The following NUP205 variants were observed in gnomAD, a reference collection of about 807,000 sequenced individuals.
NUP205 encodes nucleoporin 205.
A neutral mutation model predicts 253.8 loss-of-function variants in NUP205; 76 were observed. The ratio of observed to expected loss-of-function variants is 0.30; its 90% confidence interval spans 0.25 to 0.36. The LOEUF (loss-of-function observed/expected upper bound fraction) is 0.36. NUP205 is among the 10% of genes least tolerant of loss of function. The pLI, the probability that NUP205 is intolerant of heterozygous loss-of-function variation, is 1.00. For missense variants in NUP205, 2,162 were observed against 2,425.5 expected, an observed-to-expected ratio of 0.89 and a Z score of 2.28; for synonymous variants, 832 against 850.1, an observed-to-expected ratio of 0.98 and a Z score of 0.37.
At chr7:135,567,127 T>TATAC (rs1805790992) in intron 1 of NUP205, among the ~76,000 whole-genome samples, 1 of 740 alleles carries the variant, frequency 1.4e-3, no homozygotes, top group South Asian at 0.083. Context: ...AGTCTATGTG[T>TATAC]GTATATATAT....
intron 36 of NUP205, 63 bp from the exon 37 acceptor site, chr7:135,637,868 T>TC: frequency 6.8e-7 from 1 of 1,462,106 alleles, no homozygotes; most frequent in South Asian, 1.3e-5. Context: ...CTTGTTTCTA[T>TC]CCCTCAAGAA....
intron 1 of NUP205, among the ~76,000 whole-genome samples, chr7:135,561,567 C>G (rs188250774): frequency 1.5e-3 from 225 of 152,272 alleles, no homozygotes; most frequent in African/African-American, 5.3e-3. Flanking sequence ...AATCTTTAAC[C>G]TGCAACTAAC....
At chr7:135,629,772 G>A (rs1048390490) in intron 34 of NUP205, among the ~76,000 whole-genome samples, 4 of 151,962 alleles carry the variant, frequency 2.6e-5, no homozygotes, top group South Asian at 2.1e-4. Context: ...GGTGATACCC[G>A]CCTCAGCCTC....
intron 10 of NUP205, 63 bp downstream of exon 10, chr7:135,588,055 A>G (rs933489299): frequency 7.1e-7 from 1 of 1,407,650 alleles, no homozygotes; most frequent in Non-Finnish European, 9.5e-7. Flanking sequence ...TGAAAACATG[A>G]AAGATATTAC....
chr7:135,569,518 G>A (rs1224158193), intron 1 of NUP205, among the ~76,000 whole-genome samples: 2 of 151,842 alleles, frequency 1.3e-5, no homozygotes, highest in East Asian at 1.9e-4. Context: ...CTGATGCCCA[G>A]ACTGCTTGGG....
rs905314935 is a variant in NUP205, at chr7:135,589,804, G to A, written c.1474-1646G>A. Among the ~76,000 whole-genome samples the A allele has an allele frequency of 3.3e-5, 5 of 150,938 alleles. 1 individual carries two copies. Among genetic ancestry groups the A allele is most frequent in the African/African-American group, 1.2e-4 (5 of 40,956 alleles). On this transcript the variant is annotated intron_variant, in intron 10 of 42. Coordinates refer to ENST00000285968, the MANE Select transcript of NUP205 (RefSeq NM_015135.3). ...AAAAATTAGCCAGACATGGTGGTGC[G>A]TACCTATGGCCCCATTTGCACGGGA...
At position 135,594,567 on chromosome 7, in the gene NUP205, A is replaced by C. The variant is rs7800214; in HGVS notation, c.1851A>C (p.Ala617=). 0.47 allele frequency: 744,379 copies of C among 1,598,520 alleles called. 178,548 individuals carry two copies. Among genetic ancestry groups the C allele is most frequent in the Middle Eastern group, 0.62 (3,674 of 5,972 alleles). ...IITWSENARL[A]LCEHPQWTPV... ...CTTAGAGTGAAAATGCTCGCTTGGCACTCTGTGAACACCCTCAGTGGACCC... is the reference window on the plus strand; with the variant it reads ...CTTAGAGTGAAAATGCTCGCTTGGCCCTCTGTGAACACCCTCAGTGGACCC... Residue 617 remains alanine, a synonymous_variant, in exon 13 of 43, where the codon GCA becomes GCC. Coordinates refer to ENST00000285968, the MANE Select transcript of NUP205 (RefSeq NM_015135.3).
At chr7:135,568,336 A>ATTG (rs918057611) in intron 1 of NUP205, among the ~76,000 whole-genome samples, 5 of 151,426 alleles carry the variant, frequency 3.3e-5, no homozygotes, top group African/African-American at 1.2e-4. Flanking sequence ...TTAGTTTTTT[A>ATTG]TTGTTGTTGT....
intron 24 of NUP205, 44 bp downstream of exon 24, chr7:135,616,109 G>C: frequency 6.4e-7 from 1 of 1,551,530 alleles, no homozygotes; most frequent in Non-Finnish European, 8.8e-7. Flanking sequence ...ACTAGTTGTC[G>C]TGAAGACAAG....
intron 34 of NUP205, among the ~76,000 whole-genome samples, chr7:135,629,984 T>G (rs1794676947): frequency 6.6e-6 from 1 of 152,218 alleles, no homozygotes. Flanking sequence ...TTACTCTAGT[T>G]CATTTGGCCA....
intron 13 of NUP205, among the ~76,000 whole-genome samples, chr7:135,595,592 A>G (rs917838534): frequency 6.6e-6 from 1 of 152,260 alleles, no homozygotes; most frequent in Admixed American, 6.5e-5. Context: ...TGCCAGGACC[A>G]TAAACTTAAC....
At chr7:135,618,234 A>C (rs1033355955) in intron 27 of NUP205, among the ~76,000 whole-genome samples, 178 bp from the exon 28 acceptor site, 1 of 152,152 alleles carries the variant, frequency 6.6e-6, no homozygotes, top group Non-Finnish European at 1.5e-5. Context: ...ACATACACAC[A>C]CATACACACC....
At position 135,615,983 on chromosome 7, in the gene NUP205, A is replaced by T. The variant is rs1794347660; in HGVS notation, c.3378A>T (p.Val1126=). 1 of 1,613,398 alleles carries T rather than the reference A, an allele frequency of 6.2e-7. No homozygotes were observed. Among genetic ancestry groups the T allele is most frequent in the East Asian group, 2.2e-5 (1 of 44,884 alleles). ...AAACTGCCTCAATAGAGCTAAGGGT[A>T]ACCTCTCTGAATCGTCAGCGGTCAC... ...LMKTASIELR[V]TSLNRQRSHT... is the part of the protein sequence containing the mutation. The change falls in exon 24 of 43, where the codon GTA becomes GTT. Residue 1126 remains valine (V), a synonymous_variant. Coordinates refer to ENST00000285968, the MANE Select transcript of NUP205 (RefSeq NM_015135.3).
intron 31 of NUP205, 64 bp downstream of exon 31, chr7:135,622,989 G>T: frequency 4.6e-6 from 7 of 1,525,748 alleles, no homozygotes; most frequent in Non-Finnish European, 6.3e-6. Context: ...GGTATAAACT[G>T]ATTCACGGCT....
At chr7:135,636,413 C>A (rs906753731) in intron 36 of NUP205, among the ~76,000 whole-genome samples, 1 of 151,912 alleles carries the variant, frequency 6.6e-6, no homozygotes, top group Admixed American at 6.6e-5. Context: ...TCACTGGGAC[C>A]GAGGGTATAC....
chr7:135,627,781 T>C (rs1794624382), intron 33 of NUP205, among the ~76,000 whole-genome samples, 192 bp from the exon 34 acceptor site: 1 of 152,210 alleles, frequency 6.6e-6, no homozygotes, highest in African/African-American at 2.4e-5. Flanking sequence ...CTGTTTTTAC[T>C]AACTAAGCTA....
chr7:135,624,678 A>G (rs1040823841), intron 31 of NUP205, among the ~76,000 whole-genome samples: 1 of 151,928 alleles, frequency 6.6e-6, no homozygotes, highest in Non-Finnish European at 1.5e-5. Context: ...CTCCCGGCCT[A>G]ATTTTTTTAA....
chr7:135,580,451 A>G (rs181774627), intron 7 of NUP205, among the ~76,000 whole-genome samples: 40 of 152,182 alleles, frequency 2.6e-4, no homozygotes, highest in African/African-American at 9.1e-4. Context: ...TGAAGTGGCT[A>G]TGTGATAGTT....
At chr7:135,563,195 T>A (rs149028853) in intron 1 of NUP205, among the ~76,000 whole-genome samples, 4,299 of 152,184 alleles carry the variant, frequency 0.028, 84 homozygotes, top group Middle Eastern at 0.085. Context: ...TTATTTATTT[T>A]TTTATTTTTT....
Sources: allele counts gnomAD v4.1 joint callset (sites outside exome capture counted in the v4.1 genomes callset), GRCh38; gene constraint gnomAD v4.1.1; transcripts MANE v1.5; gene names NCBI Gene and HGNC (gene_info 2026-07-23, HGNC 2026-07-21).